The following PSAT1 variants were observed in gnomAD, a reference collection of about 807,000 sequenced individuals.
PSAT1 encodes the protein phosphoserine aminotransferase 1.
In PSAT1, 41 loss-of-function variants were observed where a neutral mutation model predicts 40.3. The ratio of observed to expected loss-of-function variants is 1.02; its 90% CI spans 0.79 to 1.32. The LOEUF is 1.32. PSAT1 is among the 40% of genes most tolerant of loss of function. The probability of loss-of-function intolerance (pLI) is 0.00; values close to 1 mark genes in which losing one functional copy is unlikely to be tolerated. For synonymous variants in PSAT1, 147 were observed against 170.5 expected (o/e 0.86, Z 1.07); for missense variants, 406 against 455.8 (o/e 0.89, Z 0.99).
intron 7 of PSAT1, among the ~76,000 whole-genome samples, chr9:78,322,978 T>C (rs983132275): frequency 2.0e-5 from 3 of 152,238 alleles, no homozygotes; most frequent in Admixed American, 1.3e-4. Context: ...ACATGGGCTT[T>C]GACCAAGGAT....
At chr9:78,319,060 G>A (rs1031681907) in intron 7 of PSAT1, among the ~76,000 whole-genome samples, 2 of 152,146 alleles carry the variant, frequency 1.3e-5, no homozygotes, top group African/African-American at 4.8e-5. Flanking sequence ...CCCCTTCTTA[G>A]TGGCCATTGC....
rs928415438 is a variant in PSAT1, at chr9:78,306,490, G to A, written c.570+4G>A. 3.7e-6 allele frequency: 6 copies of A among 1,614,106 alleles called. No individual in the cohort carries two copies. The Admixed American group carries it at 1.0e-4, about 27-fold the overall frequency. On this transcript the variant is annotated splice_donor_region_variant and intron_variant, in intron 5 of 8. Coordinates refer to ENST00000376588, the MANE Select transcript of PSAT1 (RefSeq NM_058179.4). ...CAAGCCAGTGGATGTTTCCAAGGTA[G>A]AGTATAAAAGGCAGGGTGAGGGGAA... is the stretch of plus-strand genomic sequence containing the variant.
chr9:78,320,125 CTCAT>C (rs1310479223), intron 7 of PSAT1, among the ~76,000 whole-genome samples: 1 of 151,028 alleles, frequency 6.6e-6, no homozygotes, highest in Admixed American at 6.6e-5. Context: ...TACCCACTCA[CTCAT>C]CCATCTATCC....
intron 7 of PSAT1, among the ~76,000 whole-genome samples, chr9:78,320,337 T>TCCATCTATCCATCC (rs1564018504): frequency 8.0e-5 from 3 of 37,350 alleles, no homozygotes; most frequent in East Asian, 6.8e-4. Context: ...TCCATCCATC[T>TCCATCTATCCATCC]ATCCATCCAT....
intron 7 of PSAT1, among the ~76,000 whole-genome samples, chr9:78,319,549 G>T (rs1349918426): frequency 6.6e-6 from 1 of 152,250 alleles, no homozygotes; most frequent in Admixed American, 6.5e-5. Flanking sequence ...GTGTGAGTTT[G>T]GAGGCCAGGA....
chr9:78,297,993 C>T (rs536722268), intron 1 of PSAT1, among the ~76,000 whole-genome samples: 1 of 152,130 alleles, frequency 6.6e-6, no homozygotes, highest in East Asian at 1.9e-4. Context: ...TGCTTGTCCC[C>T]TAAAGGCGTT....
chr9:78,301,812 A>G (rs973228223), intron 2 of PSAT1, 142 bp from the exon 3 acceptor site: 1 of 716,718 alleles, frequency 1.4e-6, no homozygotes, highest in Non-Finnish European at 2.5e-6. Context: ...CCCTAAACTA[A>G]GTGAGCCTTG....
In PSAT1 at chr9:78,297,147, A is replaced by C; in HGVS notation, c.-64A>C. On this transcript the variant is annotated 5_prime_UTR_variant, in exon 1 of 9. Transcript: ENST00000376588. ...GCTGCAGACTCTCACCGCAGCGGCC[A>C]GGAACGCCAGCCGTTCACGCGTTCG... 4.0e-6 allele frequency: 6 copies of C among 1,508,790 alleles called. No homozygotes were observed. The highest frequency in any genetic ancestry group is 5.4e-6 in the Non-Finnish European group (6 of 1,112,830). The allele number at this position is 1,508,790 out of a possible 1,614,324, so 93.5% of individuals were successfully genotyped here. A position where few individuals can be genotyped will look rare whatever the true frequency, so the allele number is the denominator to read the frequency against.
chr9:78,312,062 T>C (rs1828276650), intron 6 of PSAT1, among the ~76,000 whole-genome samples: 1 of 133,394 alleles, frequency 7.5e-6, no homozygotes, highest in African/African-American at 2.9e-5. Context: ...TTTTTTTTTT[T>C]TCCCCACAGA....
intron 4 of PSAT1, among the ~76,000 whole-genome samples, chr9:78,305,271 C>T (rs538614801): frequency 2.6e-5 from 4 of 152,238 alleles, no homozygotes; most frequent in African/African-American, 7.2e-5. Flanking sequence ...CTGGCCACCA[C>T]GCCTGGCTAA....
intron 6 of PSAT1, among the ~76,000 whole-genome samples, chr9:78,309,752 G>C (rs988334825): frequency 6.6e-6 from 1 of 152,224 alleles, no homozygotes; most frequent in African/African-American, 2.4e-5. Context: ...AGCACTTCAG[G>C]AAGAGCAGGG....
intron 8 of PSAT1, 96 bp from the exon 9 acceptor site, chr9:78,328,885 G>A (rs375206715): frequency 2.1e-6 from 2 of 933,600 alleles, no homozygotes; most frequent in Non-Finnish European, 3.5e-6. Flanking sequence ...ATGGTCTCAG[G>A]TGCTGCAACT....
intron 6 of PSAT1, among the ~76,000 whole-genome samples, chr9:78,314,724 G>C (rs1828315835): frequency 1.3e-5 from 2 of 152,148 alleles, no homozygotes; most frequent in African/African-American, 4.8e-5. Context: ...TGGGCGGCGA[G>C]TGTGAGCACA....
rs372232840 is a variant in PSAT1 at position 78,300,667 on chromosome 9, G to A, written c.121+5G>A. The A allele has an allele frequency of 1.5e-6, 2 of 1,344,272 alleles. No individual in the cohort carries two copies. Among genetic ancestry groups the A allele is most frequent in the Admixed American group, 1.8e-5 (1 of 54,444 alleles). 83.3% of individuals were successfully genotyped at this position (1,344,272 alleles called of 1,614,324 possible). A position where few individuals can be genotyped will look rare whatever the true frequency, so the allele number is the denominator to read the frequency against. On this transcript the variant is annotated splice_donor_5th_base_variant and intron_variant, in intron 2 of 8. Coordinates refer to ENST00000376588, the MANE Select transcript of PSAT1 (RefSeq NM_058179.4). The stretch of plus-strand genomic sequence containing the variant: ...GAGTTGGCATTAGTGTTCTTGGTAA[G>A]ATTTACTTTTGAATTCTGTGAATGT...
intron 7 of PSAT1, among the ~76,000 whole-genome samples, chr9:78,323,039 G>A (rs1172311520): frequency 6.6e-6 from 1 of 152,186 alleles, no homozygotes; most frequent in Non-Finnish European, 1.5e-5. Context: ...GGGTACAGTG[G>A]TGTGCACAAA....
rs1429375338 is a variant in PSAT1 at position 78,305,858 on chromosome 9, G to A, written c.398-456G>A. ...ATACTGGGCGACAAGTAAAAACTCA[G>A]ATATCTCCCATGCCTTTTGAAAAAA... On this transcript the variant is annotated intron_variant, in intron 4 of 8. Transcript: ENST00000376588. 2.6e-5 allele frequency among the ~76,000 whole-genome samples: 4 copies of A among 152,324 alleles called. No homozygotes were observed. The South Asian group carries it at 8.3e-4, about 32-fold the overall frequency.
At chr9:78,321,384 T>A (rs1344588406) in intron 7 of PSAT1, among the ~76,000 whole-genome samples, 2 of 152,166 alleles carry the variant, frequency 1.3e-5, no homozygotes, top group African/African-American at 2.4e-5. Context: ...TCACTTAGAT[T>A]TTCAGGAAAT....
chr9:78,317,441 G>A (rs995733481), intron 6 of PSAT1, among the ~76,000 whole-genome samples: 6 of 152,270 alleles, frequency 3.9e-5, no homozygotes, highest in African/African-American at 1.4e-4. Context: ...TTATGGAGAC[G>A]GGTCTTGCTA....
chr9:78,300,512 T>C (rs1347999361), intron 1 of PSAT1, 90 bp from the exon 2 acceptor site: 2 of 1,494,988 alleles, frequency 1.3e-6, no homozygotes, highest in East Asian at 5.0e-5. Context: ...CTGTAGACCC[T>C]TCCTTGTCCC....
Sources: allele counts gnomAD v4.1 joint callset (sites outside exome capture counted in the v4.1 genomes callset), GRCh38; gene constraint gnomAD v4.1.1; transcripts MANE v1.5; gene names NCBI Gene and HGNC (gene_info 2026-07-23, HGNC 2026-07-21).